MAP7D2: variants seen among roughly 807,000 people sequenced by gnomAD.
MAP7D2 encodes MAP7 domain-containing protein 2.
A neutral mutation model predicts 63.5 loss-of-function variants in MAP7D2; 33 were observed. The observed-to-expected ratio is 0.52, with a 90% confidence interval of 0.39 to 0.70. The LOEUF is 0.70. MAP7D2 is among the 30% of genes least tolerant of loss of function. The pLI is 0.00. For synonymous variants in MAP7D2, 224 were observed against 223.7 expected (o/e 1.00, Z -0.01); for missense variants, 626 against 604.0 (o/e 1.04, Z -0.38).
In MAP7D2 at chrX:20,116,701, C is replaced by A. The variant is rs370511251; in HGVS notation, c.130+49G>T. 2.9e-5 allele frequency: 32 copies of A among 1,121,087 alleles called. No homozygotes were observed. The South Asian group carries it at 3.6e-4, about 13-fold the overall frequency. The allele number at this position is 1,121,087 out of a possible 1,213,427, so 92.4% of individuals were successfully genotyped here. A position where few individuals can be genotyped will look rare whatever the true frequency, so the allele number is the denominator to read the frequency against. The stretch of plus-strand genomic sequence containing the variant: ...CCCTGGGCCGCCGGGCCCGCCCCCC[C>A]ACAGGAACCCGAAGCCCTCGGGCGC... On this transcript the variant is annotated intron_variant, in intron 1 of 16. Coordinates refer to ENST00000379643, the MANE Select transcript of MAP7D2 (RefSeq NM_001168465.2).
chrX:20,040,630 T>C (rs746650960), intron 8 of MAP7D2, among the ~76,000 whole-genome samples: 4 of 111,181 alleles, frequency 3.6e-5, no homozygotes, highest in Non-Finnish European at 7.5e-5. Context: ...TCTCAGGGTG[T>C]AGACAGATCC....
At chrX:20,087,116 G>T (rs2065929016) in intron 1 of MAP7D2, among the ~76,000 whole-genome samples, 1 of 112,041 alleles carries the variant, frequency 8.9e-6, no homozygotes, top group Non-Finnish European at 1.9e-5. Flanking sequence ...GTTGCCTAGA[G>T]GTGAAAGGCA....
At chrX:20,009,663 C>CAAAAAAA (rs35018861) in intron 16 of MAP7D2, among the ~76,000 whole-genome samples, 4 of 17,733 alleles carry the variant, frequency 2.3e-4, no homozygotes, top group Non-Finnish European at 2.8e-4. Flanking sequence ...GATTCCATCT[C>CAAAAAAA]AAAAAAAAAA....
intron 10 of MAP7D2, among the ~76,000 whole-genome samples, chrX:20,018,313 A>G (rs1325590595): frequency 9.1e-6 from 1 of 109,884 alleles, no homozygotes; most frequent in East Asian, 2.9e-4. Context: ...GCCCAGATGC[A>G]CACATGTAAG....
intron 1 of MAP7D2, among the ~76,000 whole-genome samples, chrX:20,105,365 C>T (rs756768940): frequency 1.6e-4 from 18 of 111,189 alleles, no homozygotes; most frequent in Non-Finnish European, 2.3e-4. Flanking sequence ...CAGTGACCAA[C>T]GGTGAAGACA....
At chrX:20,104,393 C>A (rs760625313) in intron 1 of MAP7D2, among the ~76,000 whole-genome samples, 1 of 112,584 alleles carries the variant, frequency 8.9e-6, no homozygotes, top group Non-Finnish European at 1.9e-5. Context: ...CTCTGCCTCC[C>A]AGGTTCAAGC....
chrX:20,041,355 G>T (rs2064650961), intron 8 of MAP7D2, among the ~76,000 whole-genome samples: 1 of 111,873 alleles, frequency 8.9e-6, no homozygotes, highest in African/African-American at 3.2e-5. Context: ...AATAAAGAAA[G>T]AAAGAAAAGT....
At chrX:20,098,554 CG>C (rs1316366419) in intron 1 of MAP7D2, among the ~76,000 whole-genome samples, 2 of 108,487 alleles carry the variant, frequency 1.8e-5, no homozygotes, top group Non-Finnish European at 3.8e-5. Context: ...GCTCTCTACA[CG>C]GTGGGGGGGG....
intron 8 of MAP7D2, among the ~76,000 whole-genome samples, chrX:20,029,789 ATT>A (rs35905676): frequency 9.8e-6 from 1 of 102,415 alleles, no homozygotes; most frequent in Non-Finnish European, 2.0e-5. Context: ...CAAGTCATAG[ATT>A]TTTTTTTTTT....
intron 3 of MAP7D2, among the ~76,000 whole-genome samples, chrX:20,060,500 C>G (rs747213251): frequency 3.7e-5 from 4 of 109,257 alleles, no homozygotes; most frequent in Non-Finnish European, 7.7e-5. Flanking sequence ...GAGAAAGAGG[C>G]CTTTCTCTTT....
intron 10 of MAP7D2, among the ~76,000 whole-genome samples, chrX:20,022,351 G>A (rs928975501): frequency 9.0e-6 from 1 of 111,430 alleles, no homozygotes; most frequent in African/African-American, 3.3e-5. Context: ...TGACAGGTTC[G>A]GGTGGATCCA....
chrX:20,113,431 A>G (rs1191246811), intron 1 of MAP7D2, among the ~76,000 whole-genome samples: 1 of 111,412 alleles, frequency 9.0e-6, no homozygotes, highest in Non-Finnish European at 1.9e-5. Context: ...TTTTTAGTAG[A>G]GACAGGGTTT....
intron 6 of MAP7D2, among the ~76,000 whole-genome samples, chrX:20,050,031 T>C (rs1484392430): frequency 8.9e-6 from 1 of 112,170 alleles, no homozygotes; most frequent in Non-Finnish European, 1.9e-5. Flanking sequence ...TAGGCAGAAG[T>C]TTTATCTCAT....
intron 1 of MAP7D2, among the ~76,000 whole-genome samples, chrX:20,094,516 GTATATATATATATATA>G (rs1208747143): frequency 2.5e-4 from 3 of 11,888 alleles, no homozygotes; most frequent in Non-Finnish European, 3.4e-4. Context: ...ATATATATAT[GTATATATATATATATA>G]TATATATATG....
intron 1 of MAP7D2, among the ~76,000 whole-genome samples, chrX:20,076,577 C>A (rs973360410): frequency 1.8e-5 from 2 of 109,359 alleles, no homozygotes; most frequent in Admixed American, 9.8e-5. Flanking sequence ...TGGCGTGCAC[C>A]GTAATCCCAG....
intron 6 of MAP7D2, among the ~76,000 whole-genome samples, chrX:20,047,206 C>A (rs1254562977): frequency 8.9e-6 from 1 of 112,652 alleles, no homozygotes; most frequent in African/African-American, 3.2e-5. Context: ...GAATTACCTG[C>A]ACTGGACTGA....
rs145982100 is a variant in MAP7D2 at position 20,095,886 on chromosome X, C to T, written c.130+20864G>A. Reference sequence around the variant, plus strand: ...CCTGAGGTCAGGAGTCCAAGACCAGCCTGACCAACATGGCAAAGCCCCATC... The same window carrying T: ...CCTGAGGTCAGGAGTCCAAGACCAGTCTGACCAACATGGCAAAGCCCCATC... On this transcript the variant is annotated intron_variant, in intron 1 of 16. Transcript: ENST00000379643. 1.4e-3 allele frequency among the ~76,000 whole-genome samples: 155 copies of T among 109,377 alleles called. 3 individuals carry two copies. In the East Asian group the frequency reaches 0.04, roughly 28 times the overall value. The allele number at this position is 109,377 out of a possible 115,157, so 95.0% of individuals were successfully genotyped here.
chrX:20,025,084 C>T lies in MAP7D2; in HGVS notation c.1280-1G>A. On this transcript the variant is annotated splice_acceptor_variant, in intron 9 of 16. Coordinates refer to ENST00000379643, the MANE Select transcript of MAP7D2 (RefSeq NM_001168465.2). LOFTEE classifies it high-confidence loss of function. ...GTGCCTGCTGTGGGCTTCCCCAAGG[C>T]TGCACCAGAGGAGAGGCATCAAGAG... The T allele has an allele frequency of 8.3e-7, 1 of 1,203,433 alleles. No homozygotes were observed. Among genetic ancestry groups the T allele is most frequent in the Non-Finnish European group, 1.1e-6 (1 of 893,018 alleles).
intron 16 of MAP7D2, among the ~76,000 whole-genome samples, chrX:20,008,953 G>T (rs2073090243): frequency 8.9e-6 from 1 of 112,054 alleles, no homozygotes; most frequent in Admixed American, 9.5e-5. Flanking sequence ...TAAGTGAACT[G>T]AAGGGAAACT....
Sources: gnomAD v4.1 joint callset for allele counts (sites outside exome capture counted in the v4.1 genomes callset) on GRCh38, gnomAD v4.1.1 for gene constraint, MANE v1.5 for transcripts, NCBI Gene and HGNC (gene_info 2026-07-23, HGNC 2026-07-21) for gene names.